The following TESC variants were observed in gnomAD, a reference collection of about 807,000 sequenced individuals.
The protein encoded by TESC is calcineurin B homologous protein 3.
In TESC, 19 loss-of-function variants were observed where a neutral mutation model predicts 31.0. The observed-to-expected ratio is 0.61, with a 90% CI of 0.43 to 0.90. The LOEUF is 0.90. TESC is among the 40% of genes least tolerant of loss of function. The pLI is 0.00. For synonymous variants in TESC, 109 were observed against 114.8 expected (o/e 0.95, Z 0.32); for missense variants, 248 against 303.8 (o/e 0.82, Z 1.36).
intron 7 of TESC, among the ~76,000 whole-genome samples, chr12:117,040,382 G>A (rs924318756): frequency 7.2e-5 from 11 of 152,232 alleles, no homozygotes; most frequent in Admixed American, 7.2e-4. Context: ...GGAAGGGCCA[G>A]CTGGTCCCAA....
At chr12:117,060,942 C>T (rs960696230) in intron 2 of TESC, among the ~76,000 whole-genome samples, 1 of 152,174 alleles carries the variant, frequency 6.6e-6, no homozygotes, top group Non-Finnish European at 1.5e-5. Context: ...GCTAATCCTT[C>T]CTGAGTCTGT....
At chr12:117,092,294 G>C (rs771913282) in intron 1 of TESC, among the ~76,000 whole-genome samples, 10 of 152,200 alleles carry the variant, frequency 6.6e-5, no homozygotes, top group Non-Finnish European at 1.2e-4. Context: ...AGTGCACATG[G>C]AACGCCATCC....
intron 1 of TESC, among the ~76,000 whole-genome samples, chr12:117,075,681 G>C (rs1364511730): frequency 6.6e-6 from 1 of 150,698 alleles, no homozygotes; most frequent in East Asian, 2.0e-4. Flanking sequence ...TCTGTGGCAG[G>C]GTTTCACTTC....
At chr12:117,093,554 A>T (rs1955344231) in intron 1 of TESC, among the ~76,000 whole-genome samples, 1 of 152,218 alleles carries the variant, frequency 6.6e-6, no homozygotes, top group South Asian at 2.1e-4. Context: ...CCACCGCACC[A>T]GCCTGCGACT....
chr12:117,082,845 C>A (rs887739281), intron 1 of TESC, among the ~76,000 whole-genome samples: 1 of 152,150 alleles, frequency 6.6e-6, no homozygotes, highest in African/African-American at 2.4e-5. Context: ...TGTCCCTTAA[C>A]TTTTCTGCAA....
At chr12:117,066,950 A>G (rs1954894140) in intron 2 of TESC, among the ~76,000 whole-genome samples, 1 of 152,220 alleles carries the variant, frequency 6.6e-6, no homozygotes, top group Admixed American at 6.5e-5. Context: ...AAGACTGTTT[A>G]GAAAGCTGCT....
At chr12:117,079,137 G>A (rs1955111459) in intron 1 of TESC, among the ~76,000 whole-genome samples, 1 of 152,186 alleles carries the variant, frequency 6.6e-6, no homozygotes, top group African/African-American at 2.4e-5. Flanking sequence ...ATGTAGTTCT[G>A]TGTTTTGTTT....
chr12:117,050,951 G>A (rs530899316), intron 3 of TESC, among the ~76,000 whole-genome samples: 16 of 152,316 alleles, frequency 1.1e-4, no homozygotes, highest in African/African-American at 3.8e-4. Flanking sequence ...ACAGCCTGGA[G>A]ATGACTCCAA....
At chr12:117,041,147 C>G (rs1954477821) in intron 7 of TESC, among the ~76,000 whole-genome samples, 2 of 152,208 alleles carry the variant, frequency 1.3e-5, no homozygotes, top group African/African-American at 2.4e-5. Flanking sequence ...CCACCATCCA[C>G]TAGCAGAGGC....
chr12:117,040,078 C>T (rs1483960100), intron 7 of TESC, among the ~76,000 whole-genome samples: 2 of 152,366 alleles, frequency 1.3e-5, no homozygotes, highest in Admixed American at 6.5e-5. Context: ...TCAGCATCTC[C>T]GGGGACAGCC....
intron 1 of TESC, among the ~76,000 whole-genome samples, chr12:117,097,773 G>C (rs936862179): frequency 6.6e-6 from 1 of 151,948 alleles, no homozygotes; most frequent in Non-Finnish European, 1.5e-5. Flanking sequence ...GCATCCATTC[G>C]TACTTTCTGG....
At chr12:117,054,165 G>T (rs920849375) in intron 3 of TESC, among the ~76,000 whole-genome samples, 9 of 151,954 alleles carry the variant, frequency 5.9e-5, no homozygotes, top group African/African-American at 1.9e-4. Flanking sequence ...GCTCAGAGCT[G>T]CCCCCTGCTC....
chr12:117,056,257 AT>A (rs1954723051), intron 3 of TESC, among the ~76,000 whole-genome samples: 1 of 152,160 alleles, frequency 6.6e-6, no homozygotes, highest in African/African-American at 2.4e-5. Flanking sequence ...GGGTTTCACC[AT>A]GTTGGCCAGG....
At chr12:117,075,924 TATATATATATATATATGTATATATAC>T (rs1565971715) in intron 1 of TESC, among the ~76,000 whole-genome samples, 17 of 65,044 alleles carry the variant, frequency 2.6e-4, no homozygotes, top group Non-Finnish European at 4.3e-4. Context: ...TGTGTGTGTG[TATATATATATATATATGTATATATAC>T]ATATATATAT....
intron 1 of TESC, among the ~76,000 whole-genome samples, chr12:117,089,500 G>C (rs917565173): frequency 6.6e-6 from 1 of 152,188 alleles, no homozygotes; most frequent in Admixed American, 6.5e-5. Context: ...CAAAACAGAA[G>C]AGACTATATA....
chr12:117,056,691 T>C, intron 3 of TESC, 115 bp downstream of exon 3: 1 of 1,140,136 alleles, frequency 8.8e-7, no homozygotes, highest in Non-Finnish European at 1.3e-6. Flanking sequence ...CCTACCCAGC[T>C]TGGCCCCCTC....
At chr12:117,056,459 G>A (rs114598883) in intron 3 of TESC, among the ~76,000 whole-genome samples, 2,316 of 152,250 alleles carry the variant, frequency 0.015, 64 homozygotes, top group African/African-American at 0.053. Flanking sequence ...CTGCAGCCTC[G>A]AACTTCTGGC....
At chr12:117,086,970 C>A (rs147076036) in intron 1 of TESC, among the ~76,000 whole-genome samples, 2 of 152,202 alleles carry the variant, frequency 1.3e-5, no homozygotes, top group Non-Finnish European at 2.9e-5. Flanking sequence ...ACAGCCAAAA[C>A]AATGACTAAC....
Position 117,081,116 on chromosome 12 carries a change from G to T in TESC, c.59-5776C>A, listed in dbSNP as rs186366689. Among the ~76,000 whole-genome samples, 270 of 152,296 alleles carry T rather than the reference G, an allele frequency of 1.8e-3. 5 individuals carry two copies. Among genetic ancestry groups the T allele is most frequent in the Admixed American group, 0.017 (258 of 15,298 alleles). ...AATCTTTTGGAGATGGAGGTGAACT[G>T]TCACTTTGTATCATAAACTTCAACG... is the stretch of plus-strand genomic sequence containing the variant. On this transcript the variant is annotated intron_variant, in intron 1 of 7. Coordinates refer to ENST00000335209, the MANE Select transcript of TESC (RefSeq NM_017899.4).
Sources: gnomAD v4.1 joint callset for allele counts (sites outside exome capture counted in the v4.1 genomes callset) on GRCh38, gnomAD v4.1.1 for gene constraint, MANE v1.5 for transcripts, NCBI Gene and HGNC (gene_info 2026-07-23, HGNC 2026-07-21) for gene names.